Variants in ANKS1B observed in about 807,000 individuals in gnomAD.
The protein encoded by ANKS1B is ankyrin repeat and sterile alpha motif domain-containing protein 1B.
In ANKS1B, 36 loss-of-function variants were observed where a neutral mutation model predicts 148.3. The observed-to-expected ratio is 0.24, with a 90% CI of 0.19 to 0.32. ANKS1B has a LOEUF of 0.32. Ranked by LOEUF, ANKS1B falls within the 10% of genes least tolerant of loss-of-function variation. The pLI, the probability that ANKS1B is intolerant of heterozygous loss-of-function variation, is 1.00. For synonymous variants in ANKS1B, 542 were observed against 560.8 expected (o/e 0.97, Z 0.47); for missense variants, 1,157 against 1,542.6 (o/e 0.75, Z 4.19).
intron 22 of ANKS1B, among the ~76,000 whole-genome samples, chr12:98,792,327 A>G (rs1408222384): frequency 1.3e-5 from 2 of 152,208 alleles, no homozygotes; most frequent in Admixed American, 6.5e-5. Context: ...ATCAATTGAC[A>G]CATAATAACT....
intron 25 of ANKS1B, among the ~76,000 whole-genome samples, chr12:98,752,264 C>T (rs61402301): frequency 0.029 from 4,301 of 147,228 alleles, 115 homozygotes; most frequent in African/African-American, 0.073. Context: ...CATTTTTTTT[C>T]TTTTTTTTTT....
chr12:99,049,331 C>A (rs148318442), intron 17 of ANKS1B, among the ~76,000 whole-genome samples: 1 of 151,930 alleles, frequency 6.6e-6, no homozygotes, highest in Non-Finnish European at 1.5e-5. Context: ...CACCCACACA[C>A]TCTCACAGAA....
intron 24 of ANKS1B, among the ~76,000 whole-genome samples, chr12:98,775,020 A>T (rs1476660363): frequency 1.3e-5 from 2 of 152,194 alleles, no homozygotes; most frequent in Non-Finnish European, 2.9e-5. Context: ...TGAGTCTTAA[A>T]ATAATGTTAA....
intron 16 of ANKS1B, among the ~76,000 whole-genome samples, chr12:99,068,325 A>G (rs2045156659): frequency 6.6e-6 from 1 of 152,166 alleles, no homozygotes; most frequent in Non-Finnish European, 1.5e-5. Context: ...CCTAGATGGT[A>G]TCACCTGCTA....
chr12:98,998,931 A>G (rs972675618), intron 17 of ANKS1B, among the ~76,000 whole-genome samples: 1 of 152,196 alleles, frequency 6.6e-6, no homozygotes, highest in Non-Finnish European at 1.5e-5. Context: ...ACACTTTACT[A>G]TTGCTAAATT....
intron 22 of ANKS1B, among the ~76,000 whole-genome samples, chr12:98,788,075 AG>A (rs1262478074): frequency 6.6e-6 from 1 of 152,000 alleles, no homozygotes. Context: ...ATGTGATTAG[AG>A]GGTTACCAAG....
intron 1 of ANKS1B, among the ~76,000 whole-genome samples, chr12:99,883,355 A>G (rs923126786): frequency 6.6e-6 from 1 of 152,190 alleles, no homozygotes; most frequent in Non-Finnish European, 1.5e-5. Flanking sequence ...ACAAACAAAA[A>G]AAGAACCTCA....
intron 19 of ANKS1B, among the ~76,000 whole-genome samples, chr12:98,811,377 C>T (rs1340972134): frequency 6.6e-6 from 1 of 152,158 alleles, no homozygotes; most frequent in African/African-American, 2.4e-5. Context: ...ACATCCTTGT[C>T]ACACAGAACA....
intron 15 of ANKS1B, among the ~76,000 whole-genome samples, chr12:99,138,245 C>G (rs1252963661): frequency 6.6e-6 from 1 of 152,116 alleles, no homozygotes; most frequent in African/African-American, 2.4e-5. Flanking sequence ...AGGATTATTG[C>G]TTTAGCTATT....
At chr12:98,815,344 T>A (rs79717443) in intron 19 of ANKS1B, among the ~76,000 whole-genome samples, 3,566 of 152,302 alleles carry the variant, frequency 0.023, 80 homozygotes, top group East Asian at 0.085. Context: ...TTTTCTATTT[T>A]CCTTGACCTA....
chr12:99,847,834 G>C (rs2086945678), intron 1 of ANKS1B, among the ~76,000 whole-genome samples: 2 of 152,090 alleles, frequency 1.3e-5, no homozygotes, highest in African/African-American at 4.8e-5. Context: ...TACAGTTGCT[G>C]CATGAAGGAA....
chr12:99,455,862 T>A lies in ANKS1B; in HGVS notation c.1439-12053A>T, dbSNP rs572459068. Among the ~76,000 whole-genome samples, 7 of 152,088 alleles carry A rather than the reference T, an allele frequency of 4.6e-5. No homozygotes were observed. In the East Asian group the frequency reaches 1.4e-3, roughly 29 times the overall value. ...TGGTAGCTGAAGACTAAGGACATAATCTCTTGGGAACTCTATGGCCCCACC... is the reference window on the plus strand; with the variant it reads ...TGGTAGCTGAAGACTAAGGACATAAACTCTTGGGAACTCTATGGCCCCACC... On this transcript the variant is annotated intron_variant, in intron 10 of 26. Coordinates refer to ENST00000683438, the MANE Select transcript of ANKS1B (RefSeq NM_001352186.2).
intron 25 of ANKS1B, among the ~76,000 whole-genome samples, chr12:98,769,659 C>T (rs2098542696): frequency 6.6e-6 from 1 of 152,112 alleles, no homozygotes; most frequent in South Asian, 2.1e-4. Context: ...ATATCACACA[C>T]ACGTATAGCT....
At chr12:99,054,840 C>G (rs2099968539) in intron 16 of ANKS1B, among the ~76,000 whole-genome samples, 1 of 152,220 alleles carries the variant, frequency 6.6e-6, no homozygotes, top group South Asian at 2.1e-4. Context: ...AGCCACTGCT[C>G]CTGGCCTAAA....
rs1206452034 is a variant in ANKS1B at position 99,705,288 on chromosome 12, T to C, written c.1129-50078A>G. 2.6e-5 allele frequency among the ~76,000 whole-genome samples: 4 copies of C among 152,064 alleles called. No homozygotes were observed. In the East Asian group the frequency reaches 7.7e-4, roughly 29 times the overall value. On this transcript the variant is annotated intron_variant, in intron 8 of 26. Transcript: ENST00000683438. ...TCTAAACTAATCACAGTTTAGGGTA[T>C]GGTAAGATAATGAAAATAGGTGATT...
intron 14 of ANKS1B, among the ~76,000 whole-genome samples, chr12:99,198,725 T>A (rs1469852999): frequency 6.6e-6 from 1 of 152,180 alleles, no homozygotes; most frequent in Non-Finnish European, 1.5e-5. Context: ...TCTAATATTA[T>A]CACCTAGAAT....
rs376023551 is a variant in ANKS1B, at chr12:98,872,254, A to C, written c.2779-40118T>G. Among the ~76,000 whole-genome samples the C allele has an allele frequency of 2.6e-5, 4 of 152,204 alleles. No homozygotes were observed. In the South Asian group the frequency reaches 8.3e-4, roughly 31 times the overall value. On this transcript the variant is annotated intron_variant, in intron 17 of 26. Coordinates refer to ENST00000683438, the MANE Select transcript of ANKS1B (RefSeq NM_001352186.2). ...AGACAGGGCTTTAAAAGAGCTAATT[A>C]ATGGCTGGGCATGGTAGCTCACGCT...
chr12:99,818,243 T>C (rs2082111232), intron 2 of ANKS1B, among the ~76,000 whole-genome samples: 1 of 151,952 alleles, frequency 6.6e-6, no homozygotes, highest in African/African-American at 2.4e-5. Flanking sequence ...TTGAGCCTTA[T>C]AGCTTACTTT....
rs11835966 is a variant in ANKS1B at position 99,322,848 on chromosome 12, C to T, written c.1757-75984G>A. 8.2e-3 allele frequency among the ~76,000 whole-genome samples: 1,255 copies of T among 152,298 alleles called. 19 individuals are homozygous for T. The highest frequency in any genetic ancestry group is 0.024 in the African/African-American group (1,010 of 41,562). On this transcript the variant is annotated intron_variant, in intron 12 of 26. Transcript: ENST00000683438. ...GGAAGTTTTCCCCGTACCGTTCTCA[C>T]GGTAGTGAGTAAGTCTCACAAGATA...
Sources: allele counts gnomAD v4.1 joint callset (sites outside exome capture counted in the v4.1 genomes callset), GRCh38; gene constraint gnomAD v4.1.1; transcripts MANE v1.5; gene names NCBI Gene and HGNC (gene_info 2026-07-23, HGNC 2026-07-21).